Variants in BTNL8 observed in about 807,000 individuals in gnomAD.
BTNL8 encodes butyrophilin like 8, also known as butyrophilin-like protein 8.
A neutral mutation model predicts 36.1 loss-of-function variants in BTNL8; 22 were observed. The ratio of observed to expected loss-of-function variants is 0.61; its 90% CI spans 0.44 to 0.87. BTNL8 has a LOEUF of 0.87. BTNL8 is among the 40% of genes least tolerant of loss of function. The probability of loss-of-function intolerance (pLI) is 0.00; values close to 1 mark genes in which losing one functional copy is unlikely to be tolerated. For synonymous variants in BTNL8, 203 were observed against 235.6 expected (o/e 0.86, Z 1.27); for missense variants, 526 against 616.9 (o/e 0.85, Z 1.56).
intron 1 of BTNL8, among the ~76,000 whole-genome samples, chr5:180,908,218 C>T (rs1317440978): frequency 2.6e-5 from 4 of 152,178 alleles, no homozygotes; most frequent in Non-Finnish European, 5.9e-5. Context: ...TCGTGGTGCG[C>T]CGTTTCTTAA....
intron 3 of BTNL8, among the ~76,000 whole-genome samples, chr5:180,942,759 A>C (rs142938244): frequency 6.6e-6 from 1 of 151,972 alleles, no homozygotes; most frequent in African/African-American, 2.4e-5. Context: ...ACTAACCCCT[A>C]TCTCTCACCA....
intron 3 of BTNL8, among the ~76,000 whole-genome samples, chr5:180,925,326 C>T (rs1293150618): frequency 6.6e-6 from 1 of 151,930 alleles, no homozygotes; most frequent in African/African-American, 2.4e-5. Flanking sequence ...CAAATTCAAC[C>T]CAAAGAGGAT....
rs143894862 is a variant in BTNL8 at position 180,911,566 on chromosome 5, C to A, written c.625C>A (p.Arg209=). ...CGCCGGGAGCATATCCTGTTCCATG[C>A]GGCATGCTCATCTGAGCCGAGAGGT... ...ENAGSISCSM[R]HAHLSREVES... The change falls in exon 3 of 8, where the codon CGG becomes AGG. Residue 209 remains arginine, a synonymous_variant. Transcript: ENST00000340184. 5 of 1,613,870 alleles carry A rather than the reference C, an allele frequency of 3.1e-6. No homozygotes were observed. Among genetic ancestry groups the A allele is most frequent in the Admixed American group, 1.7e-5 (1 of 60,002 alleles).
chr5:180,902,673 C>G (rs7712380), intron 1 of BTNL8, among the ~76,000 whole-genome samples: 1 of 132,448 alleles, frequency 7.6e-6, no homozygotes, highest in African/African-American at 3.0e-5. Context: ...TATCCCTCCC[C>G]CCTCCCCCTA....
At chr5:180,945,268 C>T (rs1759180291) in intron 3 of BTNL8, among the ~76,000 whole-genome samples, 1 of 152,168 alleles carries the variant, frequency 6.6e-6, no homozygotes, top group African/African-American at 2.4e-5. Context: ...TCCACATGCA[C>T]ATGTGTGAAA....
chr5:180,945,987 T>TAATAAATA (rs79795340), intron 3 of BTNL8: 81 of 159,832 alleles, frequency 5.1e-4, no homozygotes, highest in African/African-American at 1.1e-3. Flanking sequence ...AAATAAACAT[T>TAATAAATA]AATAAATAAA....
chr5:180,930,560 C>T (rs768874955), intron 3 of BTNL8, among the ~76,000 whole-genome samples: 8 of 152,096 alleles, frequency 5.3e-5, no homozygotes, highest in East Asian at 1.9e-4. Context: ...TTTAGAAAAC[C>T]CCGGTGTCTC....
rs908395317 is a variant in BTNL8 at position 180,935,080 on chromosome 5, T to G, written c.674-12432T>G. ...TGCTTCTCACTTCATAGTCCTGATGTCTGTCTGAGTCTAGGGGTTTTTATG... is the reference window on the plus strand; with the variant it reads ...TGCTTCTCACTTCATAGTCCTGATGGCTGTCTGAGTCTAGGGGTTTTTATG... On this transcript the variant is annotated intron_variant, in intron 3 of 7. Transcript: ENST00000340184. The surrounding 1 kb of genome is among the most constrained non-coding windows in gnomAD (Gnocchi z 4.8). 1.3e-5 allele frequency among the ~76,000 whole-genome samples: 2 copies of G among 152,162 alleles called. No individual in the cohort carries two copies. The highest frequency in any genetic ancestry group is 4.8e-5 in the African/African-American group (2 of 41,428).
In BTNL8 at chr5:180,950,478, A is replaced by G. The variant is rs1443155786; in HGVS notation, c.1437A>G (p.Pro479=). 1 of 1,463,850 alleles carries G rather than the reference A, an allele frequency of 6.8e-7. No individual in the cohort carries two copies. The highest frequency in any genetic ancestry group is 1.4e-5 in the African/African-American group (1 of 72,656). The allele number at this position is 1,463,850 out of a possible 1,614,324, so 90.7% of individuals were successfully genotyped here. A position where few individuals can be genotyped will look rare whatever the true frequency, so the allele number is the denominator to read the frequency against. Residue 479 remains proline (P), a synonymous_variant, in exon 8 of 8, where the codon CCA becomes CCG. Coordinates refer to ENST00000340184, the MANE Select transcript of BTNL8 (RefSeq NM_001040462.3). ...EASWQRASAI[P]ETSNSESSSQ... Reference sequence around the variant, plus strand: ...CTTGGCAAAGGGCCTCTGCAATCCCAGAGACAAGCAACAGTGAGTCCTCCT... The same window carrying G: ...CTTGGCAAAGGGCCTCTGCAATCCCGGAGACAAGCAACAGTGAGTCCTCCT...
chr5:180,908,478 G>A (rs898805086), intron 1 of BTNL8, 108 bp from the exon 2 acceptor site: 24 of 1,050,342 alleles, frequency 2.3e-5, no homozygotes, highest in Admixed American at 5.0e-5. Context: ...GTTCTGCGTC[G>A]CTCACTCTGG....
Position 180,947,566 on chromosome 5 carries a change from T to G in BTNL8, c.728T>G (p.Leu243Arg), listed in dbSNP as rs112294461. 1.2e-5 allele frequency: 19 copies of G among 1,614,126 alleles called. No homozygotes were observed. Among genetic ancestry groups the G allele is most frequent in the Middle Eastern group, 1.6e-4 (1 of 6,062 alleles). The change falls in exon 4 of 8, where the codon CTC becomes CGC. Residue 243 changes from leucine to arginine, a missense_variant. Leu to Arg is a moderately radical substitution (Grantham distance 102). Around this residue, in one of 2 missense-constraint regions of BTNL8, gnomAD observed 350 missense variants for 324.6 expected, o/e 1.08. Coordinates refer to ENST00000340184, the MANE Select transcript of BTNL8 (RefSeq NM_001040462.3). ...WHLATKVLGI[L>R]CCGLFFGIVG... The stretch of plus-strand genomic sequence containing the variant: ...CTGGCTACCAAAGTACTGGGAATAC[T>G]CTGCTGTGGCCTATTTTTTGGCATT...
intron 7 of BTNL8, 189 bp downstream of exon 7, chr5:180,949,454 G>C (rs1582071131): frequency 1.1e-6 from 1 of 927,996 alleles, no homozygotes; most frequent in East Asian, 3.1e-5. Context: ...CCTTGGTCTA[G>C]AAGGGGAGAA....
intron 1 of BTNL8, among the ~76,000 whole-genome samples, chr5:180,900,578 C>T (rs1014679918): frequency 3.3e-5 from 5 of 152,196 alleles, no homozygotes; most frequent in African/African-American, 1.2e-4. Flanking sequence ...TGTTTCCTTG[C>T]CTCAAGAGCC....
In BTNL8 at chr5:180,899,262, C is replaced by G; in HGVS notation, c.-49C>G. ...CTTCTCTCTAATCCATCCGTCACCT[C>G]TCCTGTCATCCGTTTCCATGCCGTG... On this transcript the variant is annotated 5_prime_UTR_variant, in exon 1 of 8. Coordinates refer to ENST00000340184, the MANE Select transcript of BTNL8 (RefSeq NM_001040462.3). 6.2e-7 allele frequency: 1 copy of G among 1,601,286 alleles called. No individual in the cohort carries two copies. Among genetic ancestry groups the G allele is most frequent in the South Asian group, 1.1e-5 (1 of 90,810 alleles).
intron 2 of BTNL8, 86 bp from the exon 3 acceptor site, chr5:180,911,253 G>A (rs993846730): frequency 1.9e-6 from 3 of 1,548,882 alleles, no homozygotes; most frequent in Non-Finnish European, 2.6e-6. Flanking sequence ...GAATGGGTGG[G>A]GGGTGGACTG....
chr5:180,902,473 C>G, intron 1 of BTNL8: 1 of 1,442,694 alleles, frequency 6.9e-7, no homozygotes, highest in Non-Finnish European at 9.5e-7. Flanking sequence ...ATGCACATCT[C>G]CAGCCCAGCC....
rs762919647 is a variant in BTNL8, at chr5:180,935,207, G to A, written c.674-12305G>A. 3.3e-5 allele frequency among the ~76,000 whole-genome samples: 5 copies of A among 152,138 alleles called. No individual in the cohort carries two copies. The highest frequency in any genetic ancestry group is 1.9e-4 in the East Asian group (1 of 5,178). On this transcript the variant is annotated intron_variant, in intron 3 of 7. Transcript: ENST00000340184. The surrounding 1 kb of genome is among the most constrained non-coding windows in gnomAD (Gnocchi z 4.8). ...TGACTCCAGGCAGTGGACTCCACCC[G>A]GAACTGGCAGCCCAGCCCCCAGGCT...
chr5:180,918,564 T>C (rs1757743533), intron 3 of BTNL8, among the ~76,000 whole-genome samples: 1 of 152,106 alleles, frequency 6.6e-6, no homozygotes, highest in South Asian at 2.1e-4. Flanking sequence ...CTATAAAACA[T>C]TTAAAGAGGT....
intron 3 of BTNL8, among the ~76,000 whole-genome samples, chr5:180,934,123 C>T (rs1207315615): frequency 6.6e-6 from 1 of 152,078 alleles, no homozygotes; most frequent in Non-Finnish European, 1.5e-5. Context: ...CCCTAGGATG[C>T]AAGGATGGTT....
Sources: gnomAD v4.1 joint callset for allele counts (sites outside exome capture counted in the v4.1 genomes callset) on GRCh38, gnomAD v4.1.1 for gene constraint, gnomAD v4.1.1 regional missense constraint, Gnocchi (gnomAD v3.1) non-coding constraint, MANE v1.5 for transcripts, NCBI Gene and HGNC (gene_info 2026-07-23, HGNC 2026-07-21) for gene names.